Variants in IQSEC1 observed in about 807,000 individuals in gnomAD.
The protein encoded by IQSEC1 is IQ motif and Sec7 domain ArfGEF 1.
IQSEC1 carries 31 observed loss-of-function variants against 91.0 expected under a neutral mutation model. The ratio of observed to expected loss-of-function variants is 0.34; its 90% CI spans 0.26 to 0.46. The LOEUF (loss-of-function observed/expected upper bound fraction) is 0.46, where lower values mean the gene tolerates loss of function less well. IQSEC1 is among the 20% of genes least tolerant of loss of function. IQSEC1 has a pLI of 1.00. For missense variants in IQSEC1, 1,388 were observed against 1,575.6 expected, an observed-to-expected ratio of 0.88 and a Z score of 2.02; for synonymous variants, 699 against 662.6, an observed-to-expected ratio of 1.05 and a Z score of -0.84.
Position 12,902,842 on chromosome 3 carries a change from C to T in IQSEC1, c.2756-20G>A, listed in dbSNP as rs1183333427. The T allele has an allele frequency of 1.2e-6, 2 of 1,603,796 alleles. No homozygotes were observed. Among genetic ancestry groups the T allele is most frequent in the Non-Finnish European group, 1.7e-6 (2 of 1,170,870 alleles). ...GCTTCCCTGCCCAGAACATGCAATA[C>T]CAGAAGTTAGACGCGGACATGAGGC... is the stretch of plus-strand genomic sequence containing the variant. On this transcript the variant is annotated intron_variant, in intron 12 of 13. Transcript: ENST00000613206.
intron 8 of IQSEC1, among the ~76,000 whole-genome samples, chr3:12,913,826 T>G (rs1695803987): frequency 6.6e-6 from 1 of 152,206 alleles, no homozygotes; most frequent in Non-Finnish European, 1.5e-5. Flanking sequence ...TGAGACCTCC[T>G]TTCCATTCTT....
chr3:13,242,340 C>A (rs1022107744), intron 1 of IQSEC1, among the ~76,000 whole-genome samples: 1 of 152,166 alleles, frequency 6.6e-6, no homozygotes, highest in African/African-American at 2.4e-5. Flanking sequence ...GTGCGGTGAC[C>A]CTTTTGACAT....
chr3:13,203,137 CT>C (rs1694274736), intron 1 of IQSEC1, among the ~76,000 whole-genome samples: 1 of 151,872 alleles, frequency 6.6e-6, no homozygotes. Flanking sequence ...TTCATTCCTG[CT>C]GCTCATTCGG....
intron 2 of IQSEC1, among the ~76,000 whole-genome samples, chr3:13,095,730 G>A (rs923022442): frequency 3.9e-5 from 6 of 152,126 alleles, no homozygotes; most frequent in Non-Finnish European, 7.4e-5. Context: ...CTGTCGGGAC[G>A]GGCAATTTGC....
intron 1 of IQSEC1, chr3:13,022,269 C>T (rs764325488): frequency 9.1e-5 from 111 of 1,220,754 alleles, no homozygotes; most frequent in Middle Eastern, 3.1e-4. Flanking sequence ...AAAGAGGAGG[C>T]ACTGGCTGCC....
intron 1 of IQSEC1, among the ~76,000 whole-genome samples, chr3:13,049,916 G>A (rs926891964): frequency 1.3e-5 from 2 of 152,186 alleles, no homozygotes; most frequent in African/African-American, 2.4e-5. Context: ...TACGGTCGCT[G>A]AAGTCTGCAT....
intron 2 of IQSEC1, among the ~76,000 whole-genome samples, chr3:13,119,137 A>C (rs1706384367): frequency 6.6e-6 from 1 of 152,206 alleles, no homozygotes; most frequent in African/African-American, 2.4e-5. Context: ...AATTTAAAAA[A>C]CAAAGCAATA....
Position 12,922,266 on chromosome 3 carries a change from G to A in IQSEC1, c.1731-24C>T, listed in dbSNP as rs541235649. 1.6e-5 allele frequency: 25 copies of A among 1,551,188 alleles called. No individual in the cohort carries two copies. The highest frequency in any genetic ancestry group is 5.3e-5 in the Admixed American group (3 of 56,170). On this transcript the variant is annotated intron_variant, in intron 4 of 13. Coordinates refer to ENST00000613206, the MANE Select transcript of IQSEC1 (RefSeq NM_001134382.3). The surrounding 1 kb of genome is among the most constrained non-coding windows in gnomAD (Gnocchi z 5.1). ...AGCTGGAATAGAGACAGACAGCCCC[G>A]CATAAGCACCCCTTGCAGGTGCGAC... is the stretch of plus-strand genomic sequence containing the variant.
At chr3:12,952,520 A>C (rs980594787) in intron 1 of IQSEC1, among the ~76,000 whole-genome samples, 4 of 150,460 alleles carry the variant, frequency 2.7e-5, no homozygotes, top group Non-Finnish European at 3.0e-5. Context: ...ATGCCACCCC[A>C]CCCCGCCCCT....
chr3:13,025,789 T>C (rs1475622908), intron 1 of IQSEC1, among the ~76,000 whole-genome samples: 1 of 152,130 alleles, frequency 6.6e-6, no homozygotes, highest in Non-Finnish European at 1.5e-5. Flanking sequence ...CCGTGCAGCC[T>C]CTCCTATTCC....
chr3:13,155,219 A>C (rs189362951), intron 2 of IQSEC1, among the ~76,000 whole-genome samples: 1 of 152,324 alleles, frequency 6.6e-6, no homozygotes, highest in Non-Finnish European at 1.5e-5. Context: ...TTCTCCCAGA[A>C]GATTGACAAA....
chr3:12,923,406 A>G (rs1696812283), intron 4 of IQSEC1, among the ~76,000 whole-genome samples: 1 of 152,188 alleles, frequency 6.6e-6, no homozygotes, highest in Non-Finnish European at 1.5e-5. Context: ...GGGAGGGGGC[A>G]GTAGCCACCC....
intron 12 of IQSEC1, among the ~76,000 whole-genome samples, chr3:12,903,342 AGAG>A (rs990816167): frequency 6.6e-6 from 1 of 151,868 alleles, no homozygotes; most frequent in African/African-American, 2.4e-5. Flanking sequence ...CTGAGGGTGA[AGAG>A]GAAACAACTT....
intron 1 of IQSEC1, among the ~76,000 whole-genome samples, chr3:12,963,305 A>G (rs925929738): frequency 6.6e-6 from 1 of 152,400 alleles, no homozygotes; most frequent in South Asian, 2.1e-4. Context: ...ATTTCCTCCA[A>G]GGAGCAGCGA....
At chr3:13,076,309 C>T (rs554953722), upstream of IQSEC1, among the ~76,000 whole-genome samples, 1 of 152,310 alleles carries the variant, frequency 6.6e-6, no homozygotes, top group Non-Finnish European at 1.5e-5. Flanking sequence ...GCCCTTGCCT[C>T]ATCATTGTGG....
intron 1 of IQSEC1, among the ~76,000 whole-genome samples, chr3:13,202,880 C>G (rs1330272346): frequency 1.3e-5 from 2 of 152,160 alleles, no homozygotes; most frequent in Non-Finnish European, 2.9e-5. Context: ...GTCCTTTACG[C>G]GTGATCAGTG....
At chr3:13,089,325 A>C (rs1340855036) in intron 2 of IQSEC1, among the ~76,000 whole-genome samples, 1 of 152,272 alleles carries the variant, frequency 6.6e-6, no homozygotes, top group Non-Finnish European at 1.5e-5. Flanking sequence ...CATGCCTGTA[A>C]TATCAACACT....
At chr3:13,053,995 G>A (rs1406305541) in intron 1 of IQSEC1, among the ~76,000 whole-genome samples, 1 of 151,368 alleles carries the variant, frequency 6.6e-6, no homozygotes, top group East Asian at 1.9e-4. Flanking sequence ...ACAAAAATAC[G>A]CTCCACTCTG....
chr3:12,922,056 G>T lies in IQSEC1; in HGVS notation c.1853+64C>A. 6.7e-7 allele frequency: 1 copy of T among 1,496,008 alleles called. No individual in the cohort carries two copies. The highest frequency in any genetic ancestry group is 9.0e-7 in the Non-Finnish European group (1 of 1,114,340). 92.7% of individuals were successfully genotyped at this position (1,496,008 alleles called of 1,614,324 possible). ...GGATGCAGTCTTTGGTCCATCCTCG[G>T]GCCCTGAAGCTGGGGGACACCATTC... is the stretch of plus-strand genomic sequence containing the variant. On this transcript the variant is annotated intron_variant, in intron 5 of 13. Transcript: ENST00000613206. This position sits in a 1 kb window ranked among gnomAD's most constrained non-coding sequence, Gnocchi z 5.1.
Sources: allele counts gnomAD v4.1 joint callset (sites outside exome capture counted in the v4.1 genomes callset), GRCh38; gene constraint gnomAD v4.1.1; non-coding constraint Gnocchi (gnomAD v3.1); transcripts MANE v1.5; gene names NCBI Gene and HGNC (gene_info 2026-07-23, HGNC 2026-07-21).